SYT14: variants seen among roughly 807,000 people sequenced by gnomAD.
SYT14 encodes the protein synaptotagmin-14.
A neutral mutation model predicts 74.2 loss-of-function variants in SYT14; 32 were observed. The observed-to-expected ratio is 0.43, with a 90% confidence interval of 0.33 to 0.58. The LOEUF is 0.58. Among genes scored for constraint, SYT14 ranks in the 20% least tolerant of loss-of-function variants. SYT14 has a pLI of 0.05. For synonymous variants in SYT14, 298 were observed against 337.7 expected (o/e 0.88, Z 1.29); for missense variants, 791 against 981.8 (o/e 0.81, Z 2.60).
intron 5 of SYT14, among the ~76,000 whole-genome samples, chr1:210,022,460 C>T (rs749056533): frequency 6.6e-6 from 1 of 152,128 alleles, no homozygotes; most frequent in Non-Finnish European, 1.5e-5. Flanking sequence ...TTAAATAATA[C>T]AAAGCAGTAA....
intron 7 of SYT14, among the ~76,000 whole-genome samples, chr1:210,103,714 G>A (rs1029476837): frequency 3.9e-5 from 6 of 152,070 alleles, no homozygotes; most frequent in South Asian, 2.1e-4. Flanking sequence ...TGGGCATCAG[G>A]TTTCTCATTA....
At chr1:210,079,281 G>A (rs2081574380) in intron 5 of SYT14, among the ~76,000 whole-genome samples, 2 of 151,780 alleles carry the variant, frequency 1.3e-5, no homozygotes. Context: ...TGTGGGATGG[G>A]TTCAATAGAA....
chr1:210,070,422 T>G (rs2081371447), intron 5 of SYT14, among the ~76,000 whole-genome samples: 1 of 152,154 alleles, frequency 6.6e-6, no homozygotes, highest in Non-Finnish European at 1.5e-5. Context: ...TAGTTAAAAT[T>G]ACACAGATCT....
At position 210,000,067 on chromosome 1, in the gene SYT14, ATTTTAT is replaced by A. The variant is rs534590652; in HGVS notation, c.-485-13556_-485-13551del. Reference sequence around the variant, plus strand: ...TAATAAAAATGTTTTTAAAGTTATGATTTTATTTTTATTTTACAGATATTTGCAAAT... The same window carrying A: ...TAATAAAAATGTTTTTAAAGTTATGATTTTATTTTACAGATATTTGCAAAT... On this transcript the variant is annotated intron_variant, in intron 2 of 9. Transcript: ENST00000637265. Among the ~76,000 whole-genome samples the A allele has an allele frequency of 3.4e-3, 511 of 152,252 alleles. 6 individuals are homozygous for A. The highest frequency in any genetic ancestry group is 0.012 in the African/African-American group (496 of 41,540).
chr1:209,998,066 CAG>C (rs1215193874), intron 2 of SYT14, among the ~76,000 whole-genome samples: 1 of 151,932 alleles, frequency 6.6e-6, no homozygotes, highest in Non-Finnish European at 1.5e-5. Context: ...GTTTTTAAGA[CAG>C]AGTTTTCATA....
At chr1:209,949,198 T>A (rs948705026) in intron 1 of SYT14, among the ~76,000 whole-genome samples, 1 of 152,180 alleles carries the variant, frequency 6.6e-6, no homozygotes, top group Non-Finnish European at 1.5e-5. Context: ...AACAGACATA[T>A]ACATTAAAAA....
At position 210,086,862 on chromosome 1, in the gene SYT14, A is replaced by C. The variant is rs74225469; in HGVS notation, c.1313-7460A>C. On this transcript the variant is annotated intron_variant, in intron 5 of 9. Coordinates refer to ENST00000637265, the Ensembl canonical transcript of SYT14. ...AATCCAACACCACAGAATTTGTTTT[A>C]GTTTTTTCTTTTTTCATATTTGTAA... 0.01 allele frequency among the ~76,000 whole-genome samples: 1,576 copies of C among 152,032 alleles called. 76 individuals carry two copies. In the East Asian group the frequency reaches 0.18, roughly 17 times the overall value.
At chr1:210,146,384 C>T (rs1349658496) in intron 7 of SYT14, among the ~76,000 whole-genome samples, 1 of 151,960 alleles carries the variant, frequency 6.6e-6, no homozygotes, top group Non-Finnish European at 1.5e-5. Flanking sequence ...TGCAACTGGC[C>T]TGAAGTCTGG....
chr1:210,006,594 G>C (rs1437293724), intron 2 of SYT14, among the ~76,000 whole-genome samples: 1 of 151,924 alleles, frequency 6.6e-6, no homozygotes, highest in African/African-American at 2.4e-5. Context: ...CATGGAGTTA[G>C]AGGATTAGTG....
chr1:209,990,920 A>G (rs1005967592), intron 2 of SYT14, among the ~76,000 whole-genome samples: 1 of 152,112 alleles, frequency 6.6e-6, no homozygotes, highest in Non-Finnish European at 1.5e-5. Flanking sequence ...CCAAAATAGC[A>G]TGGTATAAAA....
chr1:210,111,813 T>G (rs1410955387), intron 7 of SYT14, among the ~76,000 whole-genome samples: 1 of 151,078 alleles, frequency 6.6e-6, no homozygotes, highest in Non-Finnish European at 1.5e-5. Flanking sequence ...AATTAGAGAG[T>G]GCCTAAGGGG....
intron 1 of SYT14, among the ~76,000 whole-genome samples, chr1:209,949,012 T>C (rs1320718699): frequency 6.6e-6 from 1 of 152,234 alleles, no homozygotes; most frequent in Non-Finnish European, 1.5e-5. Context: ...ACTTTTTGGA[T>C]AACCACCACA....
chr1:209,966,305 C>T (rs1159342367), intron 2 of SYT14, among the ~76,000 whole-genome samples: 6 of 152,092 alleles, frequency 3.9e-5, no homozygotes, highest in Non-Finnish European at 5.9e-5. Flanking sequence ...CAGATTCATT[C>T]GCTCTTCCAG....
At chr1:209,974,545 G>A (rs1159319808) in intron 2 of SYT14, among the ~76,000 whole-genome samples, 3 of 152,098 alleles carry the variant, frequency 2.0e-5, no homozygotes, top group Admixed American at 1.3e-4. Context: ...TATTTCTCAG[G>A]GCTCTGTTCT....
intron 4 of SYT14, among the ~76,000 whole-genome samples, chr1:210,020,730 C>T (rs1406497782): frequency 6.6e-6 from 1 of 152,042 alleles, no homozygotes; most frequent in African/African-American, 2.4e-5. Context: ...GTTGAAAAAT[C>T]CCTGTGACTA....
At chr1:210,042,179 C>T (rs914144609) in intron 5 of SYT14, among the ~76,000 whole-genome samples, 1 of 152,148 alleles carries the variant, frequency 6.6e-6, no homozygotes, top group Non-Finnish European at 1.5e-5. Context: ...AGAAACTAGA[C>T]TTCTGTGACA....
At chr1:209,962,143 T>C (rs971730189) in intron 2 of SYT14, among the ~76,000 whole-genome samples, 4 of 152,120 alleles carry the variant, frequency 2.6e-5, no homozygotes, top group African/African-American at 9.6e-5. Flanking sequence ...CAGTATGTAA[T>C]GAATAAAGTG....
chr1:210,050,142 C>T (rs564808601), intron 5 of SYT14, among the ~76,000 whole-genome samples: 2 of 152,120 alleles, frequency 1.3e-5, no homozygotes, highest in Non-Finnish European at 2.9e-5. Flanking sequence ...TTTAAAACTG[C>T]CTTTAACAGC....
At chr1:209,977,734 C>T (rs994512703) in intron 2 of SYT14, among the ~76,000 whole-genome samples, 3 of 152,028 alleles carry the variant, frequency 2.0e-5, no homozygotes, top group Middle Eastern at 3.2e-3. Flanking sequence ...CTGTATTTCC[C>T]GAATTTGAAT....
Sources: gnomAD v4.1 joint callset for allele counts (sites outside exome capture counted in the v4.1 genomes callset) on GRCh38, gnomAD v4.1.1 for gene constraint, MANE v1.5 for transcripts, NCBI Gene and HGNC (gene_info 2026-07-23, HGNC 2026-07-21) for gene names.